Variants in SPMAP2L observed in about 807,000 individuals in gnomAD.
SPMAP2L encodes sperm microtubule associated protein 2-like.
the SPMAP2L span, among the ~76,000 whole-genome samples, chr4:56,591,559 A>G: frequency 6.6e-6 from 1 of 152,222 alleles, no homozygotes; most frequent in South Asian, 2.1e-4. Flanking sequence ...AATACACAAA[A>G]CATGTGAAAC....
chr4:56,622,163 G>C, the SPMAP2L span, among the ~76,000 whole-genome samples: 3 of 152,140 alleles, frequency 2.0e-5, no homozygotes, highest in Admixed American at 6.5e-5. Context: ...AAAAAGAAAA[G>C]AAAGCCTATT....
the SPMAP2L span, among the ~76,000 whole-genome samples, chr4:56,571,240 T>G: frequency 6.6e-6 from 1 of 152,078 alleles, no homozygotes; most frequent in African/African-American, 2.4e-5. Flanking sequence ...TTATTATCAT[T>G]TTTTAATCCA....
the SPMAP2L span, among the ~76,000 whole-genome samples, chr4:56,569,316 G>C: frequency 1.3e-5 from 2 of 152,122 alleles, no homozygotes; most frequent in African/African-American, 4.8e-5. Context: ...ACCAACACTT[G>C]TTATTATCAT....
chr4:56,540,650 A>G, the SPMAP2L span, among the ~76,000 whole-genome samples: 1 of 152,054 alleles, frequency 6.6e-6, no homozygotes, highest in Non-Finnish European at 1.5e-5. Context: ...AAAGAAAGAA[A>G]AGAGAGAAAG....
chr4:56,531,039 C>T, the SPMAP2L span: 2 of 1,535,550 alleles, frequency 1.3e-6, no homozygotes, highest in Non-Finnish European at 1.7e-6. Flanking sequence ...CCCGCCAGCT[C>T]CGCCACACCC....
At chr4:56,549,659 G>A in the SPMAP2L span, among the ~76,000 whole-genome samples, 1 of 152,144 alleles carries the variant, frequency 6.6e-6, no homozygotes, top group East Asian at 1.9e-4. Context: ...AAAATCCCAA[G>A]TGCTCCAAAA....
At chr4:56,596,456 T>C in the SPMAP2L span, 3 of 1,465,490 alleles carry the variant, frequency 2.0e-6, no homozygotes, top group Non-Finnish European at 2.7e-6. Context: ...AAATAGTGTT[T>C]ATTACTTGAT....
the SPMAP2L span, among the ~76,000 whole-genome samples, chr4:56,585,338 C>A: frequency 2.6e-5 from 4 of 152,024 alleles, no homozygotes; most frequent in Admixed American, 2.6e-4. Context: ...GTGGACATTA[C>A]CGTGGGATTT....
chr4:56,552,559 A>G, the SPMAP2L span: 5 of 1,519,510 alleles, frequency 3.3e-6, no homozygotes, highest in Non-Finnish European at 4.4e-6. Context: ...TTTTTCTTCT[A>G]GGAAGAGAAC....
At chr4:56,530,694 T>G in the SPMAP2L span, 1 of 1,534,900 alleles carries the variant, frequency 6.5e-7, no homozygotes, top group Non-Finnish European at 8.7e-7. Flanking sequence ...ACCAAGAGTT[T>G]CTAAGTTCAT....
the SPMAP2L span, among the ~76,000 whole-genome samples, chr4:56,568,453 A>G: frequency 1.3e-5 from 2 of 152,078 alleles, no homozygotes; most frequent in Admixed American, 1.3e-4. Context: ...ATTTCTAAAC[A>G]GTTTGATCTT....
the SPMAP2L span, among the ~76,000 whole-genome samples, chr4:56,598,907 A>G: frequency 6.6e-6 from 1 of 152,018 alleles, no homozygotes; most frequent in Non-Finnish European, 1.5e-5. Context: ...CCTGATAGTT[A>G]GTGAGTTCTC....
the SPMAP2L span, among the ~76,000 whole-genome samples, chr4:56,617,487 C>T: frequency 1.6e-4 from 24 of 152,220 alleles, no homozygotes; most frequent in Admixed American, 2.0e-4. Context: ...ATAGGGCATG[C>T]ATTGGGGGTG....
chr4:56,586,591 T>C, the SPMAP2L span, among the ~76,000 whole-genome samples: 1 of 152,166 alleles, frequency 6.6e-6, no homozygotes, highest in Admixed American at 6.6e-5. Flanking sequence ...GCTGGGATAA[T>C]CTGAAAGCTA....
chr4:56,625,342 G>A, the SPMAP2L span, among the ~76,000 whole-genome samples: 5 of 152,118 alleles, frequency 3.3e-5, no homozygotes, highest in Non-Finnish European at 7.3e-5. Flanking sequence ...ACTTTGTACT[G>A]TGCACTTTGG....
the SPMAP2L span, chr4:56,593,147 T>C: frequency 6.4e-7 from 1 of 1,570,448 alleles, no homozygotes; most frequent in Non-Finnish European, 8.8e-7. Context: ...GTATACTCCA[T>C]ACCAGCCTGA....
the SPMAP2L span, among the ~76,000 whole-genome samples, chr4:56,591,562 T>C: frequency 6.6e-6 from 1 of 152,106 alleles, no homozygotes; most frequent in East Asian, 1.9e-4. Context: ...ACACAAAACA[T>C]GTGAAACACT....
the SPMAP2L span, among the ~76,000 whole-genome samples, chr4:56,571,724 C>T: frequency 1.2e-4 from 18 of 152,208 alleles, no homozygotes; most frequent in South Asian, 8.3e-4. Context: ...GGCACATGCC[C>T]GTAGTCCTAG....
chr4:56,543,024 A>G, the SPMAP2L span, among the ~76,000 whole-genome samples: 2 of 151,358 alleles, frequency 1.3e-5, no homozygotes, highest in Non-Finnish European at 3.0e-5. Flanking sequence ...AAAAAAAAAA[A>G]TTCATCCTGT....
Sources: allele counts gnomAD v4.1 joint callset (sites outside exome capture counted in the v4.1 genomes callset), GRCh38; gene constraint gnomAD v4.1.1; transcripts MANE v1.5; gene names NCBI Gene and HGNC (gene_info 2026-07-23, HGNC 2026-07-21).